ZNF254: variants seen among roughly 807,000 people sequenced by gnomAD.
ZNF254 encodes the protein zinc finger protein 254, also known as CTD-2017D11.1.
In ZNF254, 10 loss-of-function variants were observed where a neutral mutation model predicts 12.4. That is an observed-to-expected ratio of 0.80 (90% CI 0.50 to 1.36). ZNF254 has a LOEUF of 1.36. Among genes scored for constraint, ZNF254 ranks in the 40% most tolerant of loss-of-function variants. ZNF254 has a pLI of 0.00. For synonymous variants in ZNF254, 305 were observed against 253.4 expected (o/e 1.20, Z -1.93); for missense variants, 996 against 763.9 (o/e 1.30, Z -3.58).
intron 3 of ZNF254, among the ~76,000 whole-genome samples, chr19:24,109,310 C>A (rs983552017): frequency 6.6e-6 from 1 of 152,156 alleles, no homozygotes; most frequent in Non-Finnish European, 1.5e-5. Flanking sequence ...ATTTAAAACA[C>A]CTGCCTTCCT....
rs937004577 is a variant in ZNF254 at position 24,125,479 on chromosome 19, A to G, written c.254-775A>G. ...GTGGGATTGTATTGCCCTATTTTGTATATATTATAATCCTTGATTAAGATT... is the reference window on the plus strand; with the variant it reads ...GTGGGATTGTATTGCCCTATTTTGTGTATATTATAATCCTTGATTAAGATT... On this transcript the variant is annotated intron_variant, in intron 3 of 3. Transcript: ENST00000357002. Among the ~76,000 whole-genome samples the G allele has an allele frequency of 8.6e-5, 13 of 151,868 alleles. No individual in the cohort carries two copies. The East Asian group carries it at 2.1e-3, about 25-fold the overall frequency.
chr19:24,053,707 T>A (rs927542828), intron 2 of ZNF254, among the ~76,000 whole-genome samples: 2 of 152,182 alleles, frequency 1.3e-5, no homozygotes, highest in Non-Finnish European at 2.9e-5. Context: ...TGTGGCTTGT[T>A]CTAACACCTC....
intron 2 of ZNF254, chr19:24,080,032 T>G (rs1336898705): frequency 6.6e-6 from 1 of 152,014 alleles, no homozygotes; most frequent in Admixed American, 6.5e-5. Context: ...CTTCTGGGAG[T>G]ACATTTTATA....
chr19:24,083,270 G>T (rs1329827477), upstream of ZNF254, among the ~76,000 whole-genome samples: 1 of 151,148 alleles, frequency 6.6e-6, no homozygotes, highest in African/African-American at 2.4e-5. Context: ...GGCCATGAAA[G>T]ATCTCTACAA....
chr19:24,111,717 T>C (rs1452985428), intron 3 of ZNF254, among the ~76,000 whole-genome samples: 38 of 149,600 alleles, frequency 2.5e-4, no homozygotes, highest in South Asian at 6.4e-4. Context: ...TGATGAGCAT[T>C]TTTTCATGTG....
chr19:24,080,907 A>C (rs1971823432), intron 2 of ZNF254, among the ~76,000 whole-genome samples: 1 of 151,756 alleles, frequency 6.6e-6, no homozygotes, highest in African/African-American at 2.4e-5. Flanking sequence ...GAGAAACCCC[A>C]TCTCTAGTAA....
chr19:24,125,602 C>T (rs958323921), intron 3 of ZNF254, among the ~76,000 whole-genome samples: 2 of 152,034 alleles, frequency 1.3e-5, no homozygotes, highest in South Asian at 4.2e-4. Context: ...ATGAGAGTTT[C>T]TTAAACATAT....
chr19:24,127,047 C>T lies in ZNF254; in HGVS notation c.1047C>T (p.Pro349=). 6.2e-7 allele frequency: 1 copy of T among 1,613,204 alleles called. No homozygotes were observed. The highest frequency in any genetic ancestry group is 8.5e-7 in the Non-Finnish European group (1 of 1,179,690). The change falls in exon 4 of 4, where the codon CCC becomes CCT. Residue 349 remains proline (P), a synonymous_variant. Coordinates refer to ENST00000357002, the MANE Select transcript of ZNF254 (RefSeq NM_203282.4). ...AGAGGATGCACACTGGAGAGAAACC[C>T]TACAAATGTGAAGAATGTGGCAAAG... ...RHKRMHTGEK[P]YKCEECGKAF...
intron 2 of ZNF254, among the ~76,000 whole-genome samples, chr19:24,053,496 A>T (rs1970724563): frequency 6.6e-6 from 1 of 151,892 alleles, no homozygotes; most frequent in Non-Finnish European, 1.5e-5. Context: ...CATTTAGGTG[A>T]TGTGAGTCTA....
chr19:24,035,117 T>C (rs1381884616), intron 1 of ZNF254, among the ~76,000 whole-genome samples: 2 of 152,182 alleles, frequency 1.3e-5, no homozygotes, highest in East Asian at 3.9e-4. Flanking sequence ...TGAAAGCAGA[T>C]GCTAGATTAG....
intron 2 of ZNF254, among the ~76,000 whole-genome samples, chr19:24,059,247 G>A (rs1970980102): frequency 6.6e-6 from 1 of 152,172 alleles, no homozygotes; most frequent in Admixed American, 6.5e-5. Context: ...TTCCTACCCT[G>A]TGTTTGCCTG....
intron 3 of ZNF254, 95 bp from the exon 4 acceptor site, chr19:24,126,159 A>G (rs1471081414): frequency 3.6e-6 from 3 of 836,906 alleles, no homozygotes; most frequent in African/African-American, 1.8e-5. Context: ...TATCTTGTCT[A>G]TGTAGTTTGT....
intron 3 of ZNF254, among the ~76,000 whole-genome samples, chr19:24,122,433 C>G (rs532168151): frequency 6.6e-6 from 1 of 152,170 alleles, no homozygotes; most frequent in African/African-American, 2.4e-5. Flanking sequence ...CCATCTTGGC[C>G]AGGCTGGTTT....
chr19:24,084,088 T>C (rs916761581), upstream of ZNF254, among the ~76,000 whole-genome samples: 1 of 150,594 alleles, frequency 6.6e-6, no homozygotes, highest in Non-Finnish European at 1.5e-5. Flanking sequence ...AGCAGCCTAA[T>C]TAATGCCCAT....
intron 2 of ZNF254, among the ~76,000 whole-genome samples, chr19:24,074,454 GT>G (rs1441694966): frequency 1.3e-4 from 20 of 152,308 alleles, no homozygotes; most frequent in Non-Finnish European, 1.5e-4. Context: ...TCTTACTTGG[GT>G]TTGGCCTATA....
At chr19:24,119,073 C>T (rs946926089) in intron 3 of ZNF254, among the ~76,000 whole-genome samples, 70 of 152,060 alleles carry the variant, frequency 4.6e-4, no homozygotes, top group African/African-American at 1.6e-3. Flanking sequence ...GAGCATGCCA[C>T]CACATTCCAT....
At chr19:24,119,978 C>A (rs1197516252) in intron 3 of ZNF254, among the ~76,000 whole-genome samples, 1 of 151,750 alleles carries the variant, frequency 6.6e-6, no homozygotes, top group African/African-American at 2.4e-5. Context: ...TCTTCATAAT[C>A]CTCTTGTATA....
At chr19:24,060,608 G>A (rs1018137158) in intron 2 of ZNF254, among the ~76,000 whole-genome samples, 14 of 151,940 alleles carry the variant, frequency 9.2e-5, no homozygotes, top group Non-Finnish European at 1.8e-4. Context: ...TCTCCCGCCT[G>A]GTCCATGCAC....
intron 1 of ZNF254, among the ~76,000 whole-genome samples, chr19:24,101,194 G>T: frequency 6.6e-6 from 1 of 152,252 alleles, no homozygotes; most frequent in Middle Eastern, 3.4e-3. Flanking sequence ...TTCTAGAGCA[G>T]CCTCTATGAG....
Sources: allele counts gnomAD v4.1 joint callset (sites outside exome capture counted in the v4.1 genomes callset), GRCh38; gene constraint gnomAD v4.1.1; transcripts MANE v1.5; gene names NCBI Gene and HGNC (gene_info 2026-07-23, HGNC 2026-07-21).